Variants in VEGFB observed in about 807,000 individuals in gnomAD.
The protein encoded by VEGFB is vascular endothelial growth factor B, also known as VEGF-related factor.
Under a neutral mutation model 22.5 loss-of-function variants are expected in VEGFB, and 24 were observed. The observed-to-expected ratio is 1.07, with a 90% confidence interval of 0.77 to 1.50. The LOEUF is 1.50. Ranked by LOEUF, VEGFB falls within the 40% of genes most tolerant of loss-of-function variation. VEGFB has a pLI of 0.00. For missense variants in VEGFB, 327 were observed against 287.8 expected, an observed-to-expected ratio of 1.14 and a Z score of -0.99; for synonymous variants, 141 against 117.4, an observed-to-expected ratio of 1.20 and a Z score of -1.30.
At chr11:64,237,064 G>C in intron 4 of VEGFB, 123 bp from the exon 5 acceptor site, 2 of 786,278 alleles carry the variant, frequency 2.5e-6, no homozygotes, top group African/African-American at 2.0e-5. Context: ...GCCTGGGCAA[G>C]AAGAGGGAAA....
At position 64,237,336 on chromosome 11, in the gene VEGFB, C is replaced by T. The variant is rs1225179606; in HGVS notation, c.411-84C>T. On this transcript the variant is annotated intron_variant, in intron 5 of 6. Transcript: ENST00000309422. ...CCCCACTTTCCCTTTTCCTCTGCTC[C>T]CCAAGCCTGTGTTCTCTGCCCCGAC... is the stretch of plus-strand genomic sequence containing the variant. 3.9e-6 allele frequency: 6 copies of T among 1,519,782 alleles called. No homozygotes were observed. The East Asian group carries it at 1.1e-4, about 29-fold the overall frequency. The allele number at this position is 1,519,782 out of a possible 1,614,324, so 94.1% of individuals were successfully genotyped here. A position where few individuals can be genotyped will look rare whatever the true frequency, so the allele number is the denominator to read the frequency against.
chr11:64,237,621 G>A lies in VEGFB; in HGVS notation c.612G>A (p.Lys204=). The A allele has an allele frequency of 6.4e-7, 1 of 1,568,614 alleles. No individual in the cohort carries two copies. Among genetic ancestry groups the A allele is most frequent in the Non-Finnish European group, 8.6e-7 (1 of 1,162,260 alleles). ...ACGCCGCAGCTTCCTCCGTTGCCAA[G>A]GGCGGGGCTTAGAGCTCAACCCAGA... ...AADAAASSVA[K]GGA is the part of the protein sequence containing the mutation. Residue 204 remains lysine (K), a synonymous_variant, in exon 6 of 7, where the codon AAG becomes AAA. Coordinates refer to ENST00000309422, the MANE Select transcript of VEGFB (RefSeq NM_003377.5).
chr11:64,238,252 G>A (rs773718803), intron 6 of VEGFB, 104 bp from the exon 7 acceptor site: 1 of 1,422,634 alleles, frequency 7.0e-7, no homozygotes, highest in Non-Finnish European at 9.5e-7. Flanking sequence ...GAGTGGTGTG[G>A]CAGGATGCTC....
intron 4 of VEGFB, among the ~76,000 whole-genome samples, chr11:64,236,529 C>T (rs1235119081): frequency 6.6e-6 from 1 of 151,094 alleles, no homozygotes; most frequent in Non-Finnish European, 1.5e-5. Flanking sequence ...TCCTGGCTAA[C>T]ATGGTAAAAA....
Position 64,237,671 on chromosome 11 carries a change from G to C in VEGFB, c.*22+16G>C. Reference sequence around the variant, plus strand: ...ACACCTGCAGGTGAGGCGTCTGTGGGGTGGTGTTTGTTTGGGAAGGCACCA... The same window carrying C: ...ACACCTGCAGGTGAGGCGTCTGTGGCGTGGTGTTTGTTTGGGAAGGCACCA... On this transcript the variant is annotated intron_variant, in intron 6 of 6. Transcript: ENST00000309422. The C allele has an allele frequency of 1.3e-6, 2 of 1,506,200 alleles. No homozygotes were observed. The highest frequency in any genetic ancestry group is 5.0e-5 in the East Asian group (2 of 40,096). 93.3% of individuals were successfully genotyped at this position (1,506,200 alleles called of 1,614,324 possible).
chr11:64,235,411 C>A (rs2029931711), intron 1 of VEGFB, 47 bp from the exon 2 acceptor site: 2 of 1,592,034 alleles, frequency 1.3e-6, no homozygotes, highest in African/African-American at 2.7e-5. Flanking sequence ...GACAGGGCCA[C>A]ACCCTCCTAA....
chr11:64,237,462 G>T lies in VEGFB; in HGVS notation c.453G>T (p.Pro151=). 1 of 1,611,458 alleles carries T rather than the reference G, an allele frequency of 6.2e-7. No homozygotes were observed. Among genetic ancestry groups the T allele is most frequent in the South Asian group, 1.1e-5 (1 of 90,956 alleles). ...PHHRPQPRSV[P]GWDSAPGAPS... is the part of the protein sequence containing the mutation. ...ACCGTCCCCAGCCCCGTTCTGTTCCGGGCTGGGACTCTGCCCCCGGAGCAC... is the reference window on the plus strand; with the variant it reads ...ACCGTCCCCAGCCCCGTTCTGTTCCTGGCTGGGACTCTGCCCCCGGAGCAC... Residue 151 remains proline (P), a synonymous_variant, in exon 6 of 7, where the codon CCG becomes CCT. Coordinates refer to ENST00000309422, the MANE Select transcript of VEGFB (RefSeq NM_003377.5).
At chr11:64,237,800 C>T (rs533494162) in intron 6 of VEGFB, 145 bp downstream of exon 6, 455 of 756,646 alleles carry the variant, frequency 6.0e-4, no homozygotes, top group Non-Finnish European at 6.6e-4. Context: ...CAAACAGCTG[C>T]TGGCACCTGG....
intron 5 of VEGFB, 22 bp downstream of exon 5, chr11:64,237,244 T>C (rs2030166298): frequency 6.2e-7 from 1 of 1,605,644 alleles, no homozygotes; most frequent in Non-Finnish European, 8.5e-7. Context: ...GGACTCCAGC[T>C]GAGTAGGGGT....
rs1406426967 is a variant in VEGFB, at chr11:64,239,199, G to A, written c.*866G>A. Among the ~76,000 whole-genome samples, 1 of 152,144 alleles carries A rather than the reference G, an allele frequency of 6.6e-6. No homozygotes were observed. The highest frequency in any genetic ancestry group is 1.5e-5 in the Non-Finnish European group (1 of 68,016). On this transcript the variant is annotated 3_prime_UTR_variant, in exon 7 of 7. Coordinates refer to ENST00000309422, the MANE Select transcript of VEGFB (RefSeq NM_003377.5). ...AAGATTGCTGTGGTTGGCGTCCTCG[G>A]GCCCCAGAGAAGTTTGAGACTATCT... is the stretch of plus-strand genomic sequence containing the variant.
Position 64,237,176 on chromosome 11 carries a change from T to C in VEGFB, c.375-11T>C, listed in dbSNP as rs1366127859. The C allele has an allele frequency of 6.2e-7, 1 of 1,601,078 alleles. No homozygotes were observed. Among genetic ancestry groups the C allele is most frequent in the Admixed American group, 1.7e-5 (1 of 59,406 alleles). Reference sequence around the variant, plus strand: ...TCTTGTTTGTCTGTGTCTGTCTATCTTACTTTTCAGACCTAAAAAAAAGGA... The same window carrying C: ...TCTTGTTTGTCTGTGTCTGTCTATCCTACTTTTCAGACCTAAAAAAAAGGA... On this transcript the variant is annotated splice_polypyrimidine_tract_variant and intron_variant, in intron 4 of 6. Coordinates refer to ENST00000309422, the MANE Select transcript of VEGFB (RefSeq NM_003377.5).
At chr11:64,236,816 C>T (rs1306080296) in intron 4 of VEGFB, among the ~76,000 whole-genome samples, 3 of 148,270 alleles carry the variant, frequency 2.0e-5, no homozygotes, top group African/African-American at 7.4e-5. Flanking sequence ...TAGTGGCTCA[C>T]ACCTATAATC....
chr11:64,235,719 AG>A, intron 2 of VEGFB, 93 bp from the exon 3 acceptor site: 1 of 1,469,024 alleles, frequency 6.8e-7, no homozygotes, highest in Non-Finnish European at 9.4e-7. Context: ...GGGCTAGTGG[AG>A]GGTGGCTGTG....
rs533505024 is a variant in VEGFB, at chr11:64,236,481, C to T, written c.374+154C>T. On this transcript the variant is annotated intron_variant, in intron 4 of 6. Coordinates refer to ENST00000309422, the MANE Select transcript of VEGFB (RefSeq NM_003377.5). Reference sequence around the variant, plus strand: ...CTGTAATCCCAGCACTTTGGGAGGCCGAGGCGGGCGGATCATGAGGTCAGG... The same window carrying T: ...CTGTAATCCCAGCACTTTGGGAGGCTGAGGCGGGCGGATCATGAGGTCAGG... Among the ~76,000 whole-genome samples the T allele has an allele frequency of 2.3e-4, 35 of 151,816 alleles. No individual in the cohort carries two copies. The East Asian group carries it at 2.7e-3, about 12-fold the overall frequency.
rs2029967880 is a variant in VEGFB, at chr11:64,235,875, T to C, written c.166T>C (p.Leu56=). Residue 56 remains leucine (L), a synonymous_variant, in exon 3 of 7, where the codon TTG becomes CTG. Transcript: ENST00000309422. ...CCAGCCCCGGGAGGTGGTGGTGCCC[T>C]TGACTGTGGAGCTCATGGGCACCGT... ...TCQPREVVVP[L]TVELMGTVAK... is the part of the protein sequence containing the mutation. 1 of 1,613,854 alleles carries C rather than the reference T, an allele frequency of 6.2e-7. No homozygotes were observed. Among genetic ancestry groups the C allele is most frequent in the Admixed American group, 1.7e-5 (1 of 60,014 alleles).
rs72296541 is a variant in VEGFB at position 64,238,293 on chromosome 11, CAT to C, written c.*23-62_*23-61del. On this transcript the variant is annotated intron_variant, in intron 6 of 6. Transcript: ENST00000309422. ...GTGATCTTAGTGGGCCCGAGGCACACATGAGTCCAGGGCTGGGGCTGCGCTCC... is the reference window on the plus strand; with the variant it reads ...GTGATCTTAGTGGGCCCGAGGCACACGAGTCCAGGGCTGGGGCTGCGCTCC... The C allele has an allele frequency of 1.9e-3, 2,937 of 1,533,280 alleles. 49 individuals carry two copies. In the African/African-American group the frequency reaches 0.035, roughly 18 times the overall value. The allele number at this position is 1,533,280 out of a possible 1,614,324, so 95.0% of individuals were successfully genotyped here.
intron 2 of VEGFB, 52 bp from the exon 3 acceptor site, chr11:64,235,761 A>C: frequency 7.5e-6 from 12 of 1,590,268 alleles, no homozygotes; most frequent in Non-Finnish European, 1.0e-5. Flanking sequence ...AGATGCTGGG[A>C]GCAGCTGCAG....
At chr11:64,237,880 G>A (rs2030221150) in intron 6 of VEGFB, 1 of 530,084 alleles carries the variant, frequency 1.9e-6, no homozygotes, top group African/African-American at 1.9e-5. Context: ...AGCAGAGGAT[G>A]TCAAGGGCTG....
intron 6 of VEGFB, 55 bp downstream of exon 6, chr11:64,237,710 G>C: frequency 1.4e-6 from 2 of 1,465,286 alleles, no homozygotes; most frequent in East Asian, 2.5e-5. Flanking sequence ...CCCTGTCCTG[G>C]AGCAGGTCCA....
Sources: gnomAD v4.1 joint callset for allele counts (sites outside exome capture counted in the v4.1 genomes callset) on GRCh38, gnomAD v4.1.1 for gene constraint, MANE v1.5 for transcripts, NCBI Gene and HGNC (gene_info 2026-07-23, HGNC 2026-07-21) for gene names.